RBFOX1: variants seen among roughly 807,000 people sequenced by gnomAD.
RBFOX1 encodes the protein RNA binding fox-1 homolog 1.
In RBFOX1, 8 loss-of-function variants were observed where a neutral mutation model predicts 57.7. The ratio of observed to expected loss-of-function variants is 0.14; its 90% confidence interval spans 0.08 to 0.25. The LOEUF is 0.25. Among genes scored for constraint, RBFOX1 ranks in the 10% least tolerant of loss-of-function variants. The pLI is 1.00. For missense variants in RBFOX1, 611 were observed against 548.5 expected (o/e 1.11, Z -1.14); for synonymous variants, 326 against 222.4 (o/e 1.47, Z -4.15).
chr16:7,425,588 A>T (rs1272404666), intron 4 of RBFOX1, among the ~76,000 whole-genome samples: 1 of 152,202 alleles, frequency 6.6e-6, no homozygotes, highest in Non-Finnish European at 1.5e-5. Flanking sequence ...GAAATTACAT[A>T]GTTTCCTCTT....
chr16:6,861,016 C>T (rs145368042), intron 3 of RBFOX1, among the ~76,000 whole-genome samples: 1 of 152,094 alleles, frequency 6.6e-6, no homozygotes, highest in Non-Finnish European at 1.5e-5. Flanking sequence ...CAGCAGTATG[C>T]CCACCACTGT....
chr16:6,116,087 G>A (rs1246405568), intron 1 of RBFOX1, among the ~76,000 whole-genome samples: 1 of 152,180 alleles, frequency 6.6e-6, no homozygotes, highest in East Asian at 1.9e-4. Flanking sequence ...ATGCTATGCA[G>A]CCATAAAAAA....
At chr16:5,593,047 A>G (rs543135748) in intron 2 of RBFOX1, among the ~76,000 whole-genome samples, 1 of 152,322 alleles carries the variant, frequency 6.6e-6, no homozygotes, top group South Asian at 2.1e-4. Context: ...TACAGGTCAT[A>G]AAGAACTTGC....
intron 1 of RBFOX1, chr16:5,270,485 C>G (rs1596351178): frequency 1.4e-6 from 1 of 713,120 alleles, no homozygotes; most frequent in Non-Finnish European, 2.6e-6. Flanking sequence ...TGGCATGGGT[C>G]TTACCTGTGA....
chr16:7,609,736 G>A (rs549604154), intron 10 of RBFOX1, among the ~76,000 whole-genome samples: 48 of 152,270 alleles, frequency 3.2e-4, no homozygotes, highest in Non-Finnish European at 5.4e-4. Context: ...GAGGAGGCCA[G>A]ATTTTGAAAT....
chr16:6,560,383 G>GTGA (rs57756597), intron 2 of RBFOX1, among the ~76,000 whole-genome samples: 1 of 151,932 alleles, frequency 6.6e-6, no homozygotes, highest in South Asian at 2.1e-4. Context: ...AGGAGGAGAG[G>GTGA]GCCAGTGTGG....
rs149535816 is a variant in RBFOX1 at position 5,831,473 on chromosome 16, TTTATTATTA to T, written c.319-35803_319-35795del. On this transcript the variant is annotated intron_variant, in intron 3 of 19. Coordinates refer to the RBFOX1 transcript ENST00000641259. ...TAAGCCAATTAAACCTCTTTTCTCT[TTTATTATTA>T]TTATTATTATTATTATTATTATTAT... 7.7e-3 allele frequency among the ~76,000 whole-genome samples: 1,087 copies of T among 141,498 alleles called. 20 individuals carry two copies. Among genetic ancestry groups the T allele is most frequent in the Non-Finnish European group, 9.3e-3 (615 of 65,780 alleles). 92.8% of individuals were successfully genotyped at this position (141,498 alleles called of 152,430 possible).
chr16:7,394,301 A>T (rs1178135411), intron 4 of RBFOX1, among the ~76,000 whole-genome samples: 11 of 151,904 alleles, frequency 7.2e-5, no homozygotes, highest in Non-Finnish European at 1.6e-4. Flanking sequence ...AGAATGAGAA[A>T]AAAATCTGAA....
rs1173853977 is a variant in RBFOX1 at position 6,593,042 on chromosome 16, G to T, written c.-63-61561G>T. On this transcript the variant is annotated intron_variant, in intron 2 of 15. Coordinates refer to ENST00000550418, the MANE Select transcript of RBFOX1 (RefSeq NM_018723.4). ...ACCTGTCTGTACTAAAAATACAAAAGTTAGCTGGGTGTGGTGGCAGGTGCC... is the reference window on the plus strand; with the variant it reads ...ACCTGTCTGTACTAAAAATACAAAATTTAGCTGGGTGTGGTGGCAGGTGCC... Among the ~76,000 whole-genome samples the T allele has an allele frequency of 2.0e-5, 3 of 152,070 alleles. No homozygotes were observed. In the South Asian group the frequency reaches 6.2e-4, roughly 32 times the overall value.
At chr16:7,009,831 G>A (rs923260770) in intron 3 of RBFOX1, among the ~76,000 whole-genome samples, 1 of 152,152 alleles carries the variant, frequency 6.6e-6, no homozygotes, top group Non-Finnish European at 1.5e-5. Flanking sequence ...TGAAAAGTTT[G>A]TATTTTAATC....
intron 2 of RBFOX1, among the ~76,000 whole-genome samples, chr16:6,368,059 A>T (rs994279056): frequency 2.0e-5 from 3 of 152,118 alleles, no homozygotes; most frequent in Non-Finnish European, 4.4e-5. Flanking sequence ...TCACCCCCTC[A>T]CACAGGCTCT....
intron 2 of RBFOX1, among the ~76,000 whole-genome samples, chr16:6,539,456 T>C (rs1163476967): frequency 6.6e-6 from 1 of 152,188 alleles, no homozygotes; most frequent in Non-Finnish European, 1.5e-5. Flanking sequence ...TCCTAGTTTT[T>C]ACTCTATTAC....
intron 4 of RBFOX1, among the ~76,000 whole-genome samples, chr16:7,394,608 C>T (rs1488126656): frequency 6.6e-6 from 1 of 152,170 alleles, no homozygotes; most frequent in Non-Finnish European, 1.5e-5. Flanking sequence ...TACTGTACCT[C>T]CAACGGGTGC....
intron 14 of RBFOX1, among the ~76,000 whole-genome samples, chr16:7,707,932 G>C (rs2083023355): frequency 6.6e-6 from 1 of 152,164 alleles, no homozygotes; most frequent in Non-Finnish European, 1.5e-5. Flanking sequence ...AAGGACGTCA[G>C]CTTCAGTCAG....
intron 1 of RBFOX1, among the ~76,000 whole-genome samples, chr16:6,170,797 C>A (rs1184932964): frequency 6.6e-6 from 1 of 152,080 alleles, no homozygotes; most frequent in South Asian, 2.1e-4. Flanking sequence ...TATCTGTGTC[C>A]CTGTGTTCTC....
chr16:7,662,279 C>T (rs1236999463), intron 12 of RBFOX1, among the ~76,000 whole-genome samples: 1 of 152,184 alleles, frequency 6.6e-6, no homozygotes, highest in African/African-American at 2.4e-5. Flanking sequence ...TACTTCTAGA[C>T]TGCTGTCTAG....
intron 3 of RBFOX1, among the ~76,000 whole-genome samples, chr16:6,816,837 T>C (rs1054189217): frequency 6.6e-6 from 1 of 151,988 alleles, no homozygotes; most frequent in Admixed American, 6.5e-5. Context: ...CTCAAACTCC[T>C]GGGCTCAAAC....
At chr16:7,622,156 G>A (rs78674518) in intron 10 of RBFOX1, among the ~76,000 whole-genome samples, 2 of 152,118 alleles carry the variant, frequency 1.3e-5, no homozygotes, top group Non-Finnish European at 1.5e-5. Context: ...GAAGATGATT[G>A]TTAGAACCAT....
chr16:5,965,518 T>A (rs933444399), intron 4 of RBFOX1, among the ~76,000 whole-genome samples: 1 of 152,100 alleles, frequency 6.6e-6, no homozygotes, highest in Non-Finnish European at 1.5e-5. Flanking sequence ...ACTAAACACA[T>A]AACCACACCT....
Sources: gnomAD v4.1 joint callset for allele counts (sites outside exome capture counted in the v4.1 genomes callset) on GRCh38, gnomAD v4.1.1 for gene constraint, MANE v1.5 for transcripts, NCBI Gene and HGNC (gene_info 2026-07-23, HGNC 2026-07-21) for gene names.